RARRES1: variants seen among roughly 807,000 people sequenced by gnomAD.
The protein encoded by RARRES1 is retinoic acid receptor responder protein 1.
RARRES1 carries 34 observed loss-of-function variants against 30.6 expected under a neutral mutation model. The ratio of observed to expected loss-of-function variants is 1.11; its 90% CI spans 0.84 to 1.48. The LOEUF (loss-of-function observed/expected upper bound fraction) is 1.48, where lower values mean the gene tolerates loss of function less well. Ranked by LOEUF, RARRES1 falls within the 40% of genes most tolerant of loss-of-function variation. RARRES1 has a pLI of 0.00. For synonymous variants in RARRES1, 153 were observed against 155.5 expected (o/e 0.98, Z 0.12); for missense variants, 373 against 386.5 (o/e 0.97, Z 0.29).
chr3:158,698,110 T>C, intron 4 of RARRES1, 140 bp from the exon 5 acceptor site: 1 of 626,590 alleles, frequency 1.6e-6, no homozygotes, highest in Non-Finnish European at 2.7e-6. Context: ...TTGGTGGTAT[T>C]TTGCTTCAAG....
At chr3:158,705,145 AATG>A (rs1726875715) in intron 3 of RARRES1, among the ~76,000 whole-genome samples, 1 of 152,326 alleles carries the variant, frequency 6.6e-6, no homozygotes, top group East Asian at 1.9e-4. Context: ...ATTATAAATC[AATG>A]GCCATTTGCT....
chr3:158,706,042 A>C (rs1197687175), intron 3 of RARRES1, among the ~76,000 whole-genome samples: 1 of 152,230 alleles, frequency 6.6e-6, no homozygotes, highest in Non-Finnish European at 1.5e-5. Context: ...AGCACAGTAC[A>C]TGAGGAATAC....
intron 1 of RARRES1, among the ~76,000 whole-genome samples, chr3:158,716,670 G>T (rs1027659326): frequency 6.6e-6 from 1 of 150,850 alleles, no homozygotes; most frequent in Non-Finnish European, 1.5e-5. Flanking sequence ...TGCAACCTCC[G>T]CCTCCTGGGT....
Position 158,697,940 on chromosome 3 carries a change from A to G in RARRES1, c.703T>C (p.Tyr235His). Residue 235 changes from tyrosine to histidine, a missense_variant, in exon 5 of 6, where the codon TAT becomes CAT. Physicochemically the swap from Tyr to His is moderately conservative, Grantham distance 83. Coordinates refer to ENST00000237696, the MANE Select transcript of RARRES1 (RefSeq NM_206963.2). ...GATAATTCATGAAGTAGAACAGTAT[A>G]ATCAAAATCAATTGTATCATCATTA... The part of the protein sequence containing the change: ...KTNDDTIDFD[Y>H]TVLLHELSTQ... 6.5e-7 allele frequency: 1 copy of G among 1,537,612 alleles called. No individual in the cohort carries two copies. The highest frequency in any genetic ancestry group is 9.0e-7 in the Non-Finnish European group (1 of 1,112,898).
intron 4 of RARRES1, among the ~76,000 whole-genome samples, chr3:158,699,557 G>A (rs1726658619): frequency 6.6e-6 from 1 of 151,474 alleles, no homozygotes; most frequent in Non-Finnish European, 1.5e-5. Flanking sequence ...CCTAGTATTT[G>A]TTTTAAGCTC....
rs1402097713 is a variant in RARRES1, at chr3:158,732,424, G to T, written c.-9C>A. 7.9e-6 allele frequency: 12 copies of T among 1,517,406 alleles called. No individual in the cohort carries two copies. The highest frequency in any genetic ancestry group is 1.4e-5 in the African/African-American group (1 of 70,260). 94.0% of individuals were successfully genotyped at this position (1,517,406 alleles called of 1,614,324 possible). A position where few individuals can be genotyped will look rare whatever the true frequency, so the allele number is the denominator to read the frequency against. On this transcript the variant is annotated 5_prime_UTR_variant, in exon 1 of 6. Transcript: ENST00000237696. The stretch of plus-strand genomic sequence containing the variant: ...TGCCGGCGGGGCTGCATGGACGCAG[G>T]AAAGTTGGCTCGGCACCCGACAGAC...
chr3:158,731,198 G>A (rs1727874714), intron 1 of RARRES1, among the ~76,000 whole-genome samples: 1 of 152,200 alleles, frequency 6.6e-6, no homozygotes, highest in South Asian at 2.1e-4. Flanking sequence ...CTTTCCAATG[G>A]TGTTTGCTTC....
chr3:158,716,960 C>G (rs957983391), intron 1 of RARRES1, among the ~76,000 whole-genome samples: 1 of 152,210 alleles, frequency 6.6e-6, no homozygotes, highest in Non-Finnish European at 1.5e-5. Context: ...TATCATGTAT[C>G]AAGACACAGT....
chr3:158,698,020 T>G (rs1726603756), intron 4 of RARRES1, 50 bp from the exon 5 acceptor site: 1 of 1,260,726 alleles, frequency 7.9e-7, no homozygotes, highest in Non-Finnish European at 1.1e-6. Context: ...GTATTTAGTG[T>G]AATAACTATA....
chr3:158,717,666 T>C (rs1559872973), intron 1 of RARRES1, among the ~76,000 whole-genome samples: 1 of 152,116 alleles, frequency 6.6e-6, no homozygotes, highest in African/African-American at 2.4e-5. Flanking sequence ...AAGATCCCTC[T>C]AGCTGGAGTG....
intron 1 of RARRES1, among the ~76,000 whole-genome samples, chr3:158,720,842 G>A (rs1727490933): frequency 6.6e-6 from 1 of 152,132 alleles, no homozygotes; most frequent in Non-Finnish European, 1.5e-5. Flanking sequence ...ATTGGATTTA[G>A]GGCCCATTCT....
At chr3:158,720,264 G>GTA (rs34198336) in intron 1 of RARRES1, among the ~76,000 whole-genome samples, 2 of 78,926 alleles carry the variant, frequency 2.5e-5, no homozygotes, top group African/African-American at 9.3e-5. Context: ...GTGTGTGTGT[G>GTA]TATGTGTGTG....
At chr3:158,720,232 T>C (rs1227395402) in intron 1 of RARRES1, among the ~76,000 whole-genome samples, 1 of 64,860 alleles carries the variant, frequency 1.5e-5, no homozygotes, top group African/African-American at 6.7e-5. Context: ...AGCTGGCTGC[T>C]GGTGTGTGTG....
rs202130120 is a variant in RARRES1 at position 158,697,901 on chromosome 3, G to A, written c.735+7C>T. 1.6e-4 allele frequency: 244 copies of A among 1,558,080 alleles called. 1 individual carries two copies. In the African/African-American group the frequency reaches 3.0e-3, roughly 19 times the overall value. On this transcript the variant is annotated splice_region_variant and intron_variant, in intron 5 of 5. Coordinates refer to ENST00000237696, the MANE Select transcript of RARRES1 (RefSeq NM_206963.2). Reference sequence around the variant, plus strand: ...AAAACAATTCTACATACAATGTTATGTTTTACCTGTGTTGATAATTCATGA... The same window carrying A: ...AAAACAATTCTACATACAATGTTATATTTTACCTGTGTTGATAATTCATGA...
At chr3:158,714,081 A>G (rs6791276) in intron 1 of RARRES1, among the ~76,000 whole-genome samples, 48,723 of 151,774 alleles carry the variant, frequency 0.32, 7,904 homozygotes, top group South Asian at 0.44. Context: ...AGACTGAGAA[A>G]GGGAAATGGT....
At chr3:158,699,643 C>T (rs1726661732) in intron 4 of RARRES1, among the ~76,000 whole-genome samples, 3 of 151,694 alleles carry the variant, frequency 2.0e-5, no homozygotes, top group Admixed American at 2.0e-4. Context: ...CATTTCCTTC[C>T]CCAGAGGGCC....
At position 158,713,803 on chromosome 3, in the gene RARRES1, G is replaced by C; in HGVS notation, c.333C>G (p.Asn111Lys). The C allele has an allele frequency of 1.2e-6, 2 of 1,613,586 alleles. No homozygotes were observed. Among genetic ancestry groups the C allele is most frequent in the Non-Finnish European group, 1.7e-6 (2 of 1,179,736 alleles). Reference sequence around the variant, plus strand: ...GCCAATTGTGGCAGCTTACCTCTGGGTTGTAGCGCTCTGTGCTGAAGACCA... The same window carrying C: ...GCCAATTGTGGCAGCTTACCTCTGGCTTGTAGCGCTCTGTGCTGAAGACCA... ...VHVVFSTERY[N>K]PESLLQEGEG... The change falls in exon 2 of 6, where the codon AAC becomes AAG. Residue 111 changes from asparagine to lysine, a missense_variant. Transcript: ENST00000237696.
At chr3:158,727,556 G>A (rs933225857) in intron 1 of RARRES1, among the ~76,000 whole-genome samples, 5 of 152,198 alleles carry the variant, frequency 3.3e-5, no homozygotes, top group Non-Finnish European at 7.3e-5. Context: ...AACTTGCTGA[G>A]TGGCAAGAGG....
chr3:158,729,113 ATATCT>A (rs1260183482), intron 1 of RARRES1, among the ~76,000 whole-genome samples: 1 of 152,116 alleles, frequency 6.6e-6, no homozygotes, highest in African/African-American at 2.4e-5. Flanking sequence ...ATTGGCACTC[ATATCT>A]TATATGACTC....
Sources: gnomAD v4.1 joint callset for allele counts (sites outside exome capture counted in the v4.1 genomes callset) on GRCh38, gnomAD v4.1.1 for gene constraint, MANE v1.5 for transcripts, NCBI Gene and HGNC (gene_info 2026-07-23, HGNC 2026-07-21) for gene names.